SFXN5: variants seen among roughly 807,000 people sequenced by gnomAD.
The protein encoded by SFXN5 is sideroflexin 5, also known as sideroflexin-5.
SFXN5 carries 43 observed loss-of-function variants against 50.2 expected under a neutral mutation model. The observed-to-expected ratio is 0.86, with a 90% CI of 0.67 to 1.11. The LOEUF is 1.11. Ranked by LOEUF, SFXN5 falls within the 50% of genes least tolerant of loss-of-function variation. SFXN5 has a pLI of 0.00. For synonymous variants in SFXN5, 203 were observed against 185.8 expected, an observed-to-expected ratio of 1.09 and a Z score of -0.75; for missense variants, 463 against 454.1, an observed-to-expected ratio of 1.02 and a Z score of -0.18.
intron 9 of SFXN5, chr2:72,998,097 T>A (rs998238043): frequency 6.6e-6 from 1 of 152,236 alleles, no homozygotes; most frequent in Non-Finnish European, 1.5e-5. Flanking sequence ...TCTAATTTTT[T>A]TTTTCTTACC....
At chr2:73,008,990 G>C (rs916248573) in intron 6 of SFXN5, among the ~76,000 whole-genome samples, 1 of 152,164 alleles carries the variant, frequency 6.6e-6, no homozygotes, top group Non-Finnish European at 1.5e-5. Flanking sequence ...TAGGGGTCAA[G>C]CTGGGGATGT....
intron 10 of SFXN5, among the ~76,000 whole-genome samples, chr2:72,978,257 T>TG (rs1670875472): frequency 6.6e-6 from 1 of 151,660 alleles, no homozygotes; most frequent in South Asian, 2.1e-4. Context: ...ATAAACCAGT[T>TG]CAGATGAACG....
chr2:72,964,587 C>T (rs1413347159), intron 12 of SFXN5, among the ~76,000 whole-genome samples: 3 of 152,228 alleles, frequency 2.0e-5, no homozygotes, highest in Non-Finnish European at 4.4e-5. Flanking sequence ...GCTCACTCTG[C>T]TACACTGCCC....
intron 11 of SFXN5, among the ~76,000 whole-genome samples, chr2:72,970,867 T>C (rs1384611765): frequency 6.6e-6 from 1 of 152,116 alleles, no homozygotes; most frequent in East Asian, 1.9e-4. Flanking sequence ...TTTGCATTTT[T>C]AGTAGAGACG....
At chr2:73,054,970 T>C (rs1308389280) in intron 2 of SFXN5, among the ~76,000 whole-genome samples, 2 of 152,256 alleles carry the variant, frequency 1.3e-5, no homozygotes, top group East Asian at 1.9e-4. Context: ...CCCTTTGTCC[T>C]TCTGAGATGC....
chr2:73,028,196 G>A lies in SFXN5; in HGVS notation c.250-4982C>T, dbSNP rs184540533. ...CGTAATGACAAAATCACCTAATGTC[G>A]TATTTCTCGGACATATCCCTGATGT... is the stretch of plus-strand genomic sequence containing the variant. On this transcript the variant is annotated intron_variant, in intron 3 of 13. Coordinates refer to ENST00000272433, the MANE Select transcript of SFXN5 (RefSeq NM_144579.3). Among the ~76,000 whole-genome samples, 472 of 152,282 alleles carry A rather than the reference G, an allele frequency of 3.1e-3. 3 individuals carry two copies. Among genetic ancestry groups the A allele is most frequent in the Non-Finnish European group, 4.8e-3 (325 of 68,018 alleles).
chr2:73,027,619 C>G (rs574665955), intron 3 of SFXN5, among the ~76,000 whole-genome samples: 1 of 152,214 alleles, frequency 6.6e-6, no homozygotes, highest in South Asian at 2.1e-4. Flanking sequence ...CCTGCAAGCT[C>G]CATTGATGGT....
intron 1 of SFXN5, among the ~76,000 whole-genome samples, chr2:73,060,993 G>A (rs1193576349): frequency 3.4e-5 from 5 of 148,006 alleles, no homozygotes; most frequent in Admixed American, 6.8e-5. Flanking sequence ...GAGCCACCGC[G>A]CCTGGCCAAG....
At chr2:73,017,593 C>T (rs1212320818) in intron 6 of SFXN5, among the ~76,000 whole-genome samples, 1 of 152,156 alleles carries the variant, frequency 6.6e-6, no homozygotes, top group Non-Finnish European at 1.5e-5. Flanking sequence ...TGTAGCAATT[C>T]TGAAAACTCT....
chr2:73,023,708 C>T (rs1030769991), intron 3 of SFXN5, among the ~76,000 whole-genome samples: 1 of 152,188 alleles, frequency 6.6e-6, no homozygotes, highest in Admixed American at 6.5e-5. Flanking sequence ...GCATGATAGC[C>T]ATGCCTCTGA....
At chr2:73,065,161 T>A (rs888550792) in intron 1 of SFXN5, among the ~76,000 whole-genome samples, 1 of 152,138 alleles carries the variant, frequency 6.6e-6, no homozygotes, top group Non-Finnish European at 1.5e-5. Context: ...AGTGCAGTTG[T>A]GTGATCATAG....
rs1453078253 is a variant in SFXN5, at chr2:72,944,702, G to T, written c.*320C>A. On this transcript the variant is annotated 3_prime_UTR_variant, in exon 14 of 14. Coordinates refer to ENST00000272433, the MANE Select transcript of SFXN5 (RefSeq NM_144579.3). ...ATAAAAAAGGAACCAAAGTATAAAA[G>T]GATTCTACTTCTACCCCATGGGCAC... The T allele has an allele frequency of 2.9e-5, 8 of 280,050 alleles. No individual in the cohort carries two copies. Among genetic ancestry groups the T allele is most frequent in the Non-Finnish European group, 5.3e-5 (8 of 150,018 alleles). The allele number at this position is 280,050 out of a possible 1,614,324, so 17.3% of individuals were successfully genotyped here.
chr2:73,064,884 T>A (rs1683065598), intron 1 of SFXN5, among the ~76,000 whole-genome samples: 1 of 152,236 alleles, frequency 6.6e-6, no homozygotes, highest in Non-Finnish European at 1.5e-5. Context: ...CTTCCTGGAC[T>A]CGGGTGATTC....
chr2:73,046,171 A>G (rs1451221925), intron 2 of SFXN5, among the ~76,000 whole-genome samples: 1 of 152,070 alleles, frequency 6.6e-6, no homozygotes, highest in African/African-American at 2.4e-5. Context: ...CACTTTGGGA[A>G]GTTGAGGCAG....
intron 2 of SFXN5, among the ~76,000 whole-genome samples, chr2:73,043,469 G>C (rs1185875316): frequency 1.3e-5 from 2 of 152,220 alleles, no homozygotes; most frequent in African/African-American, 2.4e-5. Flanking sequence ...TGAAGCACTG[G>C]CATGTGAAAC....
chr2:73,060,237 T>A (rs1045879634), intron 1 of SFXN5, among the ~76,000 whole-genome samples: 3 of 151,928 alleles, frequency 2.0e-5, no homozygotes, highest in African/African-American at 7.3e-5. Context: ...CAGGAAGTAA[T>A]GAAGTCTTAC....
chr2:73,071,373 G>C, intron 1 of SFXN5: 2 of 530,176 alleles, frequency 3.8e-6, no homozygotes, highest in South Asian at 4.7e-5. Context: ...GGCGCGGGCA[G>C]TCGGGGAGTG....
intron 6 of SFXN5, among the ~76,000 whole-genome samples, chr2:73,013,411 G>C (rs1675784010): frequency 6.8e-6 from 1 of 146,488 alleles, no homozygotes; most frequent in African/African-American, 2.5e-5. Flanking sequence ...TATTTCGTGT[G>C]TGTGTGTGTG....
At chr2:73,006,900 G>A (rs139525480) in intron 6 of SFXN5, among the ~76,000 whole-genome samples, 1 of 152,378 alleles carries the variant, frequency 6.6e-6, no homozygotes, top group Non-Finnish European at 1.5e-5. Context: ...GGCCCAGGAA[G>A]AGGGGCAGTT....
Sources: gnomAD v4.1 joint callset for allele counts (sites outside exome capture counted in the v4.1 genomes callset) on GRCh38, gnomAD v4.1.1 for gene constraint, MANE v1.5 for transcripts, NCBI Gene and HGNC (gene_info 2026-07-23, HGNC 2026-07-21) for gene names.